HHAT: variants seen among roughly 807,000 people sequenced by gnomAD.
HHAT encodes protein-cysteine N-palmitoyltransferase HHAT.
HHAT carries 47 observed loss-of-function variants against 70.8 expected under a neutral mutation model. The ratio of observed to expected loss-of-function variants is 0.66; its 90% CI spans 0.53 to 0.85. HHAT has a LOEUF of 0.85. Ranked by LOEUF, HHAT falls within the 40% of genes least tolerant of loss-of-function variation. HHAT has a pLI of 0.00. For synonymous variants in HHAT, 228 were observed against 247.6 expected, an observed-to-expected ratio of 0.92 and a Z score of 0.74; for missense variants, 609 against 604.8, an observed-to-expected ratio of 1.01 and a Z score of -0.07.
chr1:210,373,451 C>T (rs142201996), intron 3 of HHAT, among the ~76,000 whole-genome samples: 1 of 152,236 alleles, frequency 6.6e-6, no homozygotes, highest in African/African-American at 2.4e-5. Flanking sequence ...TAAGCAGCAG[C>T]AGCAAGGTAA....
chr1:210,491,941 T>G (rs1314989470), intron 8 of HHAT, among the ~76,000 whole-genome samples: 3 of 152,126 alleles, frequency 2.0e-5, no homozygotes, highest in Non-Finnish European at 4.4e-5. Flanking sequence ...TTTTGTATTT[T>G]TAGTAGAGAC....
chr1:210,398,359 A>G (rs911457828), intron 4 of HHAT, among the ~76,000 whole-genome samples: 2 of 152,134 alleles, frequency 1.3e-5, no homozygotes, highest in African/African-American at 4.8e-5. Flanking sequence ...CTCATGTGAG[A>G]GCGTGTCCTG....
At chr1:210,662,537 G>A (rs1014234155) in intron 11 of HHAT, among the ~76,000 whole-genome samples, 2 of 152,182 alleles carry the variant, frequency 1.3e-5, no homozygotes, top group African/African-American at 4.8e-5. Context: ...GAAACAGCTG[G>A]GGAAGTGTGT....
chr1:210,456,647 A>G (rs1486035867), intron 7 of HHAT, among the ~76,000 whole-genome samples: 1 of 152,224 alleles, frequency 6.6e-6, no homozygotes, highest in Non-Finnish European at 1.5e-5. Flanking sequence ...AGTCTGAGCT[A>G]CTGGTTTCTG....
At chr1:210,635,987 C>T (rs965033855) in intron 11 of HHAT, among the ~76,000 whole-genome samples, 1 of 152,142 alleles carries the variant, frequency 6.6e-6, no homozygotes, top group African/African-American at 2.4e-5. Flanking sequence ...ATTTCAGGTT[C>T]GTCTTTTGTT....
intron 7 of HHAT, among the ~76,000 whole-genome samples, chr1:210,432,331 C>T (rs11119496): frequency 0.11 from 17,258 of 151,720 alleles, 1,284 homozygotes; most frequent in East Asian, 0.24. Flanking sequence ...GAGTCAGTAA[C>T]GAATGAGAAG....
chr1:210,670,424 G>A (rs183194358), intron 11 of HHAT, among the ~76,000 whole-genome samples: 1 of 152,204 alleles, frequency 6.6e-6, no homozygotes, highest in African/African-American at 2.4e-5. Context: ...GAAGAGGTGT[G>A]GTGTTGACCG....
chr1:210,584,839 G>A (rs959076314), intron 9 of HHAT, among the ~76,000 whole-genome samples: 3 of 152,166 alleles, frequency 2.0e-5, no homozygotes, highest in Non-Finnish European at 4.4e-5. Flanking sequence ...TCACAAGCAG[G>A]TTTGCCCATC....
At chr1:210,606,357 T>C (rs982336679) in intron 10 of HHAT, among the ~76,000 whole-genome samples, 6 of 152,228 alleles carry the variant, frequency 3.9e-5, no homozygotes, top group South Asian at 2.1e-4. Context: ...CACAACTGTT[T>C]CCTCCACTTA....
At chr1:210,588,174 C>T in intron 10 of HHAT, 75 bp downstream of exon 10, 2 of 1,250,600 alleles carry the variant, frequency 1.6e-6, no homozygotes, top group Admixed American at 4.3e-5. Context: ...ATGGGGCCAT[C>T]AGATTCCCTG....
At chr1:210,606,319 G>C (rs12128590) in intron 10 of HHAT, among the ~76,000 whole-genome samples, 12,450 of 152,190 alleles carry the variant, frequency 0.082, 668 homozygotes, top group Middle Eastern at 0.15. Context: ...CTGCCAAACT[G>C]TTTAATATAA....
At chr1:210,626,774 C>T (rs1325680462) in intron 11 of HHAT, among the ~76,000 whole-genome samples, 1 of 152,006 alleles carries the variant, frequency 6.6e-6, no homozygotes, top group Non-Finnish European at 1.5e-5. Context: ...TACGATGCTC[C>T]CTCAGTCTCT....
At chr1:210,529,523 G>A (rs1307904009) in intron 9 of HHAT, among the ~76,000 whole-genome samples, 1 of 152,074 alleles carries the variant, frequency 6.6e-6, no homozygotes, top group Non-Finnish European at 1.5e-5. Flanking sequence ...GGAATTTCTA[G>A]CCTTACGTAC....
Position 210,515,961 on chromosome 1 carries a change from T to C in HHAT, c.1043+2773T>C, listed in dbSNP as rs577638035. Among the ~76,000 whole-genome samples, 8 of 152,006 alleles carry C rather than the reference T, an allele frequency of 5.3e-5. 1 individual carries two copies. In the South Asian group the frequency reaches 1.7e-3, roughly 32 times the overall value. On this transcript the variant is annotated intron_variant, in intron 9 of 11. Transcript: ENST00000261458. ...GACACACACCTGTAATCACAGCTAC[T>C]TGGGTGGATGAGGCATGAGGATCAC...
At chr1:210,352,177 A>C (rs570097777) in intron 2 of HHAT, among the ~76,000 whole-genome samples, 1 of 152,280 alleles carries the variant, frequency 6.6e-6, no homozygotes, top group African/African-American at 2.4e-5. Flanking sequence ...ACTTTTCTGC[A>C]CCTTAACCTG....
chr1:210,434,217 T>C (rs1202754336), intron 7 of HHAT, among the ~76,000 whole-genome samples: 3 of 151,960 alleles, frequency 2.0e-5, no homozygotes, highest in Non-Finnish European at 4.4e-5. Context: ...TTGGTCATGG[T>C]TGCCACTGTT....
intron 9 of HHAT, among the ~76,000 whole-genome samples, chr1:210,581,869 T>C (rs1659337326): frequency 6.6e-6 from 1 of 152,128 alleles, no homozygotes; most frequent in East Asian, 1.9e-4. Context: ...CAGCAGTAAA[T>C]GGAAATTATG....
intron 7 of HHAT, among the ~76,000 whole-genome samples, chr1:210,430,364 T>C (rs925955737): frequency 1.4e-4 from 21 of 151,854 alleles, no homozygotes; most frequent in African/African-American, 4.6e-4. Flanking sequence ...GTCTGTCCAT[T>C]ACTACAGGGT....
At chr1:210,499,147 T>G (rs1329386340) in intron 8 of HHAT, among the ~76,000 whole-genome samples, 2 of 152,142 alleles carry the variant, frequency 1.3e-5, no homozygotes, top group Admixed American at 6.6e-5. Context: ...GAGAAGACCA[T>G]CTGTATCACA....
Sources: allele counts gnomAD v4.1 joint callset (sites outside exome capture counted in the v4.1 genomes callset), GRCh38; gene constraint gnomAD v4.1.1; transcripts MANE v1.5; gene names NCBI Gene and HGNC (gene_info 2026-07-23, HGNC 2026-07-21).